The following OSBPL5 variants were observed in gnomAD, a reference collection of about 807,000 sequenced individuals.
OSBPL5 encodes the protein oxysterol binding protein like 5, also known as oxysterol-binding protein-related protein 5.
A neutral mutation model predicts 111.2 loss-of-function variants in OSBPL5; 71 were observed. The ratio of observed to expected loss-of-function variants is 0.64; its 90% confidence interval spans 0.53 to 0.78. The LOEUF (loss-of-function observed/expected upper bound fraction) is 0.78, where lower values mean the gene tolerates loss of function less well. Ranked by LOEUF, OSBPL5 falls within the 30% of genes least tolerant of loss-of-function variation. OSBPL5 has a pLI of 0.00. For missense variants in OSBPL5, 1,210 were observed against 1,189.3 expected, an observed-to-expected ratio of 1.02 and a Z score of -0.26; for synonymous variants, 549 against 513.9, an observed-to-expected ratio of 1.07 and a Z score of -0.93.
chr11:3,131,881 C>CCACCCTCCCTCCCTTTCAGG (rs1845814288), intron 1 of OSBPL5, among the ~76,000 whole-genome samples: 2 of 144,294 alleles, frequency 1.4e-5, no homozygotes, highest in African/African-American at 5.2e-5. Flanking sequence ...ATCCATCCAC[C>CCACCCTCCCTCCCTTTCAGG]CATCCACCCA....
At chr11:3,108,263 C>T (rs1244141157) in intron 7 of OSBPL5, among the ~76,000 whole-genome samples, 1 of 152,006 alleles carries the variant, frequency 6.6e-6, no homozygotes, top group African/African-American at 2.4e-5. Flanking sequence ...CAGCACATCC[C>T]CACGCACCTC....
chr11:3,139,982 C>G (rs1480443819), intron 1 of OSBPL5, among the ~76,000 whole-genome samples: 1 of 152,136 alleles, frequency 6.6e-6, no homozygotes, highest in Non-Finnish European at 1.5e-5. Flanking sequence ...TGCAGAGGTG[C>G]CCCCCCTGCT....
Position 3,107,540 on chromosome 11 carries a change from G to T in OSBPL5, c.867-85C>A. 1 of 1,485,378 alleles carries T rather than the reference G, an allele frequency of 6.7e-7. No homozygotes were observed. The highest frequency in any genetic ancestry group is 9.3e-7 in the Non-Finnish European group (1 of 1,078,222). The allele number at this position is 1,485,378 out of a possible 1,614,324, so 92.0% of individuals were successfully genotyped here. ...TGGGCTGCCCACCCCTCGCTGCTCC[G>T]CACTTCACATACGTTCCTGCCTGTC... is the stretch of plus-strand genomic sequence containing the variant. On this transcript the variant is annotated intron_variant, in intron 8 of 21. Transcript: ENST00000263650. This position sits in a 1 kb window ranked among gnomAD's most constrained non-coding sequence, Gnocchi z 6.1.
At position 3,112,483 on chromosome 11, in the gene OSBPL5, T is replaced by C. The variant is rs1479130001; in HGVS notation, c.692-4538A>G. Among the ~76,000 whole-genome samples the C allele has an allele frequency of 8.8e-5, 13 of 148,348 alleles. No homozygotes were observed. The East Asian group carries it at 9.7e-4, about 11-fold the overall frequency. On this transcript the variant is annotated intron_variant, in intron 7 of 21. Transcript: ENST00000263650. Reference sequence around the variant, plus strand: ...CCTGTTTTGTGTTTTCTTTTCTTTTTTTTTTTTTTTTTGACTAAAGTAGTT... The same window carrying C: ...CCTGTTTTGTGTTTTCTTTTCTTTTCTTTTTTTTTTTTGACTAAAGTAGTT...
At chr11:3,152,984 G>A (rs931336662) in intron 1 of OSBPL5, among the ~76,000 whole-genome samples, 6 of 152,056 alleles carry the variant, frequency 3.9e-5, no homozygotes, top group Non-Finnish European at 8.8e-5. Flanking sequence ...AGCAGTGGGC[G>A]GGAATGAGCA....
At chr11:3,111,974 T>A (rs1857961774) in intron 7 of OSBPL5, among the ~76,000 whole-genome samples, 1 of 132,908 alleles carries the variant, frequency 7.5e-6, no homozygotes, top group Non-Finnish European at 1.7e-5. Flanking sequence ...TGTGTGCATA[T>A]GTGTGCGCGC....
At chr11:3,129,820 C>T (rs927679475) in intron 1 of OSBPL5, among the ~76,000 whole-genome samples, 2 of 152,338 alleles carry the variant, frequency 1.3e-5, no homozygotes, top group East Asian at 1.9e-4. Flanking sequence ...CCTGCGTCCA[C>T]GCCCAGCCCA....
intron 3 of OSBPL5, among the ~76,000 whole-genome samples, chr11:3,125,477 C>T (rs773394354): frequency 3.3e-5 from 5 of 152,092 alleles, no homozygotes; most frequent in Non-Finnish European, 4.4e-5. Context: ...AAACTGAAGC[C>T]GCAGTGAGAT....
intron 6 of OSBPL5, among the ~76,000 whole-genome samples, chr11:3,120,207 G>A (rs1410791278): frequency 6.6e-6 from 1 of 152,174 alleles, no homozygotes; most frequent in Non-Finnish European, 1.5e-5. Context: ...TGACCTTGAT[G>A]CCACCTCCTT....
chr11:3,095,003 C>A (rs1322610335), intron 14 of OSBPL5: 1 of 151,972 alleles, frequency 6.6e-6, no homozygotes, highest in Non-Finnish European at 1.5e-5. Context: ...CTCTAAAAAC[C>A]ACTTAGAAAT....
rs532838844 is a variant in OSBPL5 at position 3,131,927 on chromosome 11, GTCCATCCATCCATCCA to G, written c.-21-2774_-21-2759del. On this transcript the variant is annotated intron_variant, in intron 1 of 21. Transcript: ENST00000263650. ...CTTTCAGGCATCCATCCATCCTCCT[GTCCATCCATCCATCCA>G]TCCATCCATCCATCCATCCATCCAT... is the stretch of plus-strand genomic sequence containing the variant. Among the ~76,000 whole-genome samples, 76 of 23,464 alleles carry G rather than the reference GTCCATCCATCCATCCA, an allele frequency of 3.2e-3. 1 individual carries two copies. Among genetic ancestry groups the G allele is most frequent in the African/African-American group, 0.015 (66 of 4,364 alleles). The allele number at this position is 23,464 out of a possible 152,430, so 15.4% of individuals were successfully genotyped here.
In OSBPL5 at chr11:3,162,866, G is replaced by C. The variant is rs986799747; in HGVS notation, c.-22+2350C>G. On this transcript the variant is annotated intron_variant, in intron 1 of 21. Transcript: ENST00000263650. This position sits in a 1 kb window ranked among gnomAD's most constrained non-coding sequence, Gnocchi z 8.1. Reference sequence around the variant, plus strand: ...CAGGGCAGCATGCCTGTCCCTGTCGGGAGGCCAGTGGCCCTCACTTGTACC... The same window carrying C: ...CAGGGCAGCATGCCTGTCCCTGTCGCGAGGCCAGTGGCCCTCACTTGTACC... 1.4e-4 allele frequency among the ~76,000 whole-genome samples: 21 copies of C among 152,080 alleles called. No individual in the cohort carries two copies. The highest frequency in any genetic ancestry group is 2.2e-4 in the Non-Finnish European group (15 of 68,018).
Position 3,093,622 on chromosome 11 carries a change from A to C in OSBPL5, c.1851T>G (p.Ser617Arg). ...CCCCGCTCGGGGTCCAGAAAAGCGC[A>C]CTGCTTCCGCTCCCTTCCTCCTTGA... The part of the protein sequence containing the change: ...VFIKEEGSGS[S>R]ALFWTPSGEV... The change falls in exon 17 of 22, where the codon AGT (serine) becomes AGG (arginine). Residue 617 changes from serine (S) to arginine (R), a missense_variant. Physicochemically the swap from Ser to Arg is moderately radical, Grantham distance 110. Transcript: ENST00000263650. 6.2e-7 allele frequency: 1 copy of C among 1,613,060 alleles called. No individual in the cohort carries two copies. Among genetic ancestry groups the C allele is most frequent in the Non-Finnish European group, 8.5e-7 (1 of 1,179,956 alleles).
Position 3,141,663 on chromosome 11 carries a change from T to C in OSBPL5, c.-21-12494A>G, listed in dbSNP as rs1049062404. ...AACGGAAAGCTCGCACCTCGCTCAA[T>C]GCATTGCCAAGTTGCGATTCTCATG... is the stretch of plus-strand genomic sequence containing the variant. On this transcript the variant is annotated intron_variant, in intron 1 of 21. Coordinates refer to ENST00000263650, the MANE Select transcript of OSBPL5 (RefSeq NM_020896.4). This position sits in a 1 kb window ranked among gnomAD's most constrained non-coding sequence, Gnocchi z 6.5. Among the ~76,000 whole-genome samples the C allele has an allele frequency of 1.0e-3, 157 of 152,154 alleles. No homozygotes were observed. The highest frequency in any genetic ancestry group is 3.6e-3 in the African/African-American group (149 of 41,422).
Position 3,104,269 on chromosome 11 carries a change from G to A in OSBPL5, c.1168C>T (p.Pro390Ser). The part of the protein sequence containing the change: ...PGMDLSRVVL[P>S]TFVLEPRSFL... ...GAGCGCGGCTCCAGTACGAACGTGG[G>A]TAGCACCACGCGGGACAGGTCCATG... Residue 390 changes from proline (P) to serine (S), a missense_variant, in exon 10 of 22, where the codon CCC becomes TCC. By Grantham distance (74) the Pro-to-Ser change is moderately conservative. Coordinates refer to ENST00000263650, the MANE Select transcript of OSBPL5 (RefSeq NM_020896.4). This position sits in a 1 kb window ranked among gnomAD's most constrained non-coding sequence, Gnocchi z 5.0. The A allele has an allele frequency of 6.2e-7, 1 of 1,613,834 alleles. No homozygotes were observed. Among genetic ancestry groups the A allele is most frequent in the Non-Finnish European group, 8.5e-7 (1 of 1,179,968 alleles).
In OSBPL5 at chr11:3,137,610, C is replaced by T. The variant is rs765336579; in HGVS notation, c.-21-8441G>A. Among the ~76,000 whole-genome samples the T allele has an allele frequency of 2.0e-5, 3 of 152,128 alleles. No individual in the cohort carries two copies. The East Asian group carries it at 5.8e-4, about 29-fold the overall frequency. ...GGTGGATCGCTTGAGCCTAGGAGAT[C>T]GAGATCAGCCTGGGCAACATAGCGA... On this transcript the variant is annotated intron_variant, in intron 1 of 21. Transcript: ENST00000263650.
intron 1 of OSBPL5, among the ~76,000 whole-genome samples, chr11:3,137,765 T>A (rs1381469780): frequency 6.6e-6 from 1 of 152,194 alleles, no homozygotes; most frequent in African/African-American, 2.4e-5. Context: ...GCCATGGTCA[T>A]GCCACTGCAC....
Position 3,142,901 on chromosome 11 carries a change from C to T in OSBPL5, c.-21-13732G>A, listed in dbSNP as rs1289748922. Among the ~76,000 whole-genome samples, 6 of 151,262 alleles carry T rather than the reference C, an allele frequency of 4.0e-5. No homozygotes were observed. The highest frequency in any genetic ancestry group is 4.9e-5 in the African/African-American group (2 of 41,058). ...GGACAAAACCAGTCACCCAGGACAGCGGACGGCACACGGGGTGGGGGTGTG... is the reference window on the plus strand; with the variant it reads ...GGACAAAACCAGTCACCCAGGACAGTGGACGGCACACGGGGTGGGGGTGTG... On this transcript the variant is annotated intron_variant, in intron 1 of 21. Coordinates refer to ENST00000263650, the MANE Select transcript of OSBPL5 (RefSeq NM_020896.4). This position sits in a 1 kb window ranked among gnomAD's most constrained non-coding sequence, Gnocchi z 7.1.
At chr11:3,089,973 A>AGGAGG (rs759888665) in intron 20 of OSBPL5, 25 bp from the exon 21 acceptor site, 237 of 1,495,276 alleles carry the variant, frequency 1.6e-4, no homozygotes, top group Admixed American at 2.3e-4. Flanking sequence ...AGTGAGACAA[A>AGGAGG]GGAGGGGAGG....
Sources: gnomAD v4.1 joint callset for allele counts (sites outside exome capture counted in the v4.1 genomes callset) on GRCh38, gnomAD v4.1.1 for gene constraint, Gnocchi (gnomAD v3.1) non-coding constraint, MANE v1.5 for transcripts, NCBI Gene and HGNC (gene_info 2026-07-23, HGNC 2026-07-21) for gene names.